The following SPG7 variants were observed in gnomAD, a reference collection of about 807,000 sequenced individuals.
The protein encoded by SPG7 is SPG7 matrix AAA peptidase subunit, paraplegin, also known as mitochondrial inner membrane m-AAA protease component paraplegin.
A neutral mutation model predicts 81.9 loss-of-function variants in SPG7; 103 were observed. The observed-to-expected ratio is 1.26, with a 90% CI of 1.07 to 1.48. SPG7 has a LOEUF of 1.48. Ranked by LOEUF, SPG7 falls within the 40% of genes most tolerant of loss-of-function variation. SPG7 has a pLI of 0.00. For synonymous variants in SPG7, 534 were observed against 444.2 expected (o/e 1.20, Z -2.54); for missense variants, 1,241 against 1,087.3 (o/e 1.14, Z -1.99).
intron 2 of SPG7, among the ~76,000 whole-genome samples, chr16:89,512,673 G>A (rs942330864): frequency 6.6e-6 from 1 of 152,186 alleles, no homozygotes; most frequent in African/African-American, 2.4e-5. Context: ...TCCCAAATTT[G>A]TGTTCATAAC....
chr16:89,522,852 T>A (rs1276755731), intron 3 of SPG7: 1 of 152,592 alleles, frequency 6.6e-6, no homozygotes, highest in African/African-American at 2.4e-5. Flanking sequence ...TGGCTGTCCT[T>A]TTCCCCACCA....
At position 89,557,083 on chromosome 16, in the gene SPG7, G is replaced by A. The variant is rs776482494; in HGVS notation, c.2378G>A (p.Trp793Ter). The A allele has an allele frequency of 6.2e-7, 1 of 1,611,316 alleles. No homozygotes were observed. The highest frequency in any genetic ancestry group is 1.1e-5 in the South Asian group (1 of 90,992). ...CCACTTGGAGGCGAAGAGCCGACTT[G>A]GCCCAAGTAGTTGGGAGGTGTTGGC... The part of the protein sequence containing the change: ...QPPLGGEEPT[W>*]PK Residue 793 changes from tryptophan (W) to a stop codon, truncating the protein, a stop_gained, in exon 17 of 17, where the codon TGG becomes TAG. Coordinates refer to ENST00000645818, the MANE Select transcript of SPG7 (RefSeq NM_003119.4). LOFTEE classifies it high-confidence loss of function.
At chr16:89,541,017 C>G (rs1338826582) in intron 9 of SPG7, 2 of 983,474 alleles carry the variant, frequency 2.0e-6, no homozygotes, top group Non-Finnish European at 2.4e-6. Flanking sequence ...ACTAGAAGAG[C>G]TGAAACTGGT....
At position 89,557,421 on chromosome 16, in the gene SPG7, A is replaced by G; in HGVS notation, c.*328A>G. Reference sequence around the variant, plus strand: ...TGAGGCCACCCAGAGGCAGCAGAGCATTCAGACTCCAAACAGACCCCTGTT... The same window carrying G: ...TGAGGCCACCCAGAGGCAGCAGAGCGTTCAGACTCCAAACAGACCCCTGTT... On this transcript the variant is annotated 3_prime_UTR_variant, in exon 17 of 17. Coordinates refer to ENST00000645818, the MANE Select transcript of SPG7 (RefSeq NM_003119.4). The G allele has an allele frequency of 2.6e-6, 1 of 384,896 alleles. No homozygotes were observed. The highest frequency in any genetic ancestry group is 4.9e-6 in the Non-Finnish European group (1 of 205,232). The allele number at this position is 384,896 out of a possible 1,614,324, so 23.8% of individuals were successfully genotyped here.
At chr16:89,552,127 C>G (rs900761925) in intron 13 of SPG7, 2 of 152,276 alleles carry the variant, frequency 1.3e-5, no homozygotes, top group Non-Finnish European at 1.5e-5. Flanking sequence ...GGTGCGATCA[C>G]AGCTCACTGC....
chr16:89,552,232 T>G (rs1213635015), intron 13 of SPG7: 1 of 152,630 alleles, frequency 6.6e-6, no homozygotes, highest in Non-Finnish European at 1.5e-5. Flanking sequence ...GAGTGATTTT[T>G]ATATTTTTTG....
intron 12 of SPG7, 22 bp downstream of exon 12, chr16:89,548,135 T>C: frequency 6.6e-7 from 1 of 1,525,518 alleles, no homozygotes; most frequent in Non-Finnish European, 9.0e-7. Context: ...GCGCCCTGGG[T>C]GAAGGCCCTC....
At position 89,508,511 on chromosome 16, in the gene SPG7, G is replaced by T; in HGVS notation, c.94G>T (p.Gly32Trp). 2 of 1,515,142 alleles carry T rather than the reference G, an allele frequency of 1.3e-6. No individual in the cohort carries two copies. The highest frequency in any genetic ancestry group is 2.6e-5 in the East Asian group (1 of 38,112). 93.9% of individuals were successfully genotyped at this position (1,515,142 alleles called of 1,614,324 possible). A position where few individuals can be genotyped will look rare whatever the true frequency, so the allele number is the denominator to read the frequency against. ...GGGCCCAGGCCCGGCCTGGAGTCCA[G>T]GGTTCCCCGCCAGGCCCGGGAGGGG... ...LWGPGPAWSP[G>W]FPARPGRGRP... The change falls in exon 1 of 17, where the codon GGG becomes TGG. Residue 32 changes from glycine to tryptophan, a missense_variant. Transcript: ENST00000645818.
chr16:89,532,647 G>C lies in SPG7; in HGVS notation c.1324+11G>C. On this transcript the variant is annotated intron_variant, in intron 9 of 16. Transcript: ENST00000645818. ...TGGTAGAAATGGATGGTCAGTGCTC[G>C]TGCGCCCCGCACCCCCATTGCACCA... 1 of 1,612,962 alleles carries C rather than the reference G, an allele frequency of 6.2e-7. No homozygotes were observed. The highest frequency in any genetic ancestry group is 8.5e-7 in the Non-Finnish European group (1 of 1,180,006).
Position 89,514,308 on chromosome 16 carries a change from C to CTTT in SPG7, c.376+1301_376+1303dup, listed in dbSNP as rs148270097. The CTTT allele has an allele frequency of 6.4e-4, 31 of 48,442 alleles. 1 individual carries two copies. Among genetic ancestry groups the CTTT allele is most frequent in the African/African-American group, 1.1e-3 (12 of 10,914 alleles). The allele number at this position is 48,442 out of a possible 1,614,324, so 3.0% of individuals were successfully genotyped here. ...CATTTCAATAAAGTGTGTCCTTTGA[C>CTTT]TTTTTTTTTTTTTTTTTTTTTTTTT... On this transcript the variant is annotated intron_variant, in intron 3 of 16. Coordinates refer to ENST00000645818, the MANE Select transcript of SPG7 (RefSeq NM_003119.4).
At chr16:89,547,552 G>C (rs429949) in intron 11 of SPG7, 228,052 of 235,588 alleles carry the variant, frequency 0.97, 110,887 homozygotes, top group East Asian at 1. Context: ...CTCTCTCCCA[G>C]ACGCTCTCAC....
intron 9 of SPG7, among the ~76,000 whole-genome samples, chr16:89,534,002 T>C (rs143722598): frequency 9.2e-5 from 14 of 152,006 alleles, no homozygotes; most frequent in Non-Finnish European, 1.5e-4. Flanking sequence ...AGCGAGACCC[T>C]GTCTCTAAAA....
At chr16:89,544,363 G>A (rs1246709259) in intron 9 of SPG7, 6 of 412,070 alleles carry the variant, frequency 1.5e-5, no homozygotes, top group South Asian at 6.3e-5. Context: ...AGATGGCACC[G>A]TGAGGCAGGG....
chr16:89,512,798 T>TTATTTCA (rs1189530810), intron 2 of SPG7, 150 bp from the exon 3 acceptor site: 1 of 747,284 alleles, frequency 1.3e-6, no homozygotes, highest in Non-Finnish European at 2.3e-6. Context: ...AGGATATGCT[T>TTATTTCA]TATTTCATAT....
intron 12 of SPG7, chr16:89,549,064 TG>T (rs1173181761): frequency 4.4e-6 from 2 of 456,170 alleles, no homozygotes; most frequent in African/African-American, 4.0e-5. Flanking sequence ...AAAACACACC[TG>T]GCTTCTCTCC....
chr16:89,537,358 T>G (rs2152406234), intron 9 of SPG7: 1 of 1,150,672 alleles, frequency 8.7e-7, no homozygotes, highest in East Asian at 5.4e-5. Context: ...CCGGCTCCTG[T>G]GCTGGAAAGC....
At chr16:89,534,690 T>C (rs2058388694) in intron 9 of SPG7, among the ~76,000 whole-genome samples, 1 of 151,564 alleles carries the variant, frequency 6.6e-6, no homozygotes, top group Admixed American at 6.6e-5. Context: ...CATTGCAAAA[T>C]CACTTTAGAC....
chr16:89,555,547 A>G (rs960369957), intron 16 of SPG7: 2 of 222,684 alleles, frequency 9.0e-6, no homozygotes, highest in African/African-American at 4.6e-5. Context: ...GAGTCTCCCC[A>G]GTGTCCTTTC....
In SPG7 at chr16:89,553,750, G is replaced by A. The variant is rs115067204; in HGVS notation, c.1937-44G>A. 1.8e-3 allele frequency: 2,793 copies of A among 1,593,120 alleles called. 35 individuals are homozygous for A. In the African/African-American group the frequency reaches 0.032, roughly 18 times the overall value. On this transcript the variant is annotated intron_variant, in intron 14 of 16. Coordinates refer to ENST00000645818, the MANE Select transcript of SPG7 (RefSeq NM_003119.4). ...CACCTGGGGCCCAGCACTGCTCTGC[G>A]CCTGCAGTGCTGAGGATGCCTCTGT...
Sources: allele counts gnomAD v4.1 joint callset (sites outside exome capture counted in the v4.1 genomes callset), GRCh38; gene constraint gnomAD v4.1.1; transcripts MANE v1.5; gene names NCBI Gene and HGNC (gene_info 2026-07-23, HGNC 2026-07-21).